LRP1B: variants seen among roughly 807,000 people sequenced by gnomAD.
The protein encoded by LRP1B is low-density lipoprotein receptor-related protein 1B.
In LRP1B, 217 loss-of-function variants were observed where a neutral mutation model predicts 556.6. The ratio of observed to expected loss-of-function variants is 0.39; its 90% CI spans 0.35 to 0.44. The LOEUF is 0.44. Among genes scored for constraint, LRP1B ranks in the 20% least tolerant of loss-of-function variants. The pLI is 1.00. For synonymous variants in LRP1B, 2,047 were observed against 1,865.8 expected, an observed-to-expected ratio of 1.10 and a Z score of -2.50; for missense variants, 5,053 against 5,620.8, an observed-to-expected ratio of 0.90 and a Z score of 3.23.
intron 1 of LRP1B, among the ~76,000 whole-genome samples, chr2:141,933,493 A>G (rs1209067998): frequency 6.6e-6 from 1 of 152,126 alleles, no homozygotes; most frequent in African/African-American, 2.4e-5. Context: ...CTACATGAGG[A>G]AACCACTTGA....
At chr2:140,751,838 T>C (rs2104896287) in intron 35 of LRP1B, among the ~76,000 whole-genome samples, 1 of 152,316 alleles carries the variant, frequency 6.6e-6, no homozygotes, top group African/African-American at 2.4e-5. Flanking sequence ...TTCTGAAATA[T>C]TTTTAAATTA....
intron 84 of LRP1B, among the ~76,000 whole-genome samples, chr2:140,282,491 C>T (rs1032676344): frequency 6.6e-5 from 10 of 151,750 alleles, no homozygotes; most frequent in Admixed American, 1.3e-4. Flanking sequence ...TTCATAAATA[C>T]GTTCAGGAAA....
intron 3 of LRP1B, among the ~76,000 whole-genome samples, chr2:141,264,803 G>C (rs756054496): frequency 6.6e-6 from 1 of 152,158 alleles, no homozygotes; most frequent in Non-Finnish European, 1.5e-5. Flanking sequence ...TTTGGGTTTT[G>C]TTTTGTTTTT....
At chr2:141,020,216 A>T (rs1698026437) in intron 11 of LRP1B, 114 bp from the exon 12 acceptor site, 1 of 581,584 alleles carries the variant, frequency 1.7e-6, no homozygotes, top group African/African-American at 1.9e-5. Context: ...AAGAACTCTG[A>T]TCCATGAAAT....
chr2:141,903,422 T>C (rs1038992459), intron 1 of LRP1B, among the ~76,000 whole-genome samples: 1 of 151,920 alleles, frequency 6.6e-6, no homozygotes, highest in Non-Finnish European at 1.5e-5. Flanking sequence ...TTCTACTATC[T>C]TAAAAAATCT....
intron 7 of LRP1B, among the ~76,000 whole-genome samples, chr2:141,077,361 A>G (rs1301426125): frequency 6.6e-6 from 1 of 152,214 alleles, no homozygotes; most frequent in Non-Finnish European, 1.5e-5. Context: ...TTTTTCAAAG[A>G]AAACAGATTG....
chr2:141,930,294 T>A (rs1274213441), intron 1 of LRP1B, among the ~76,000 whole-genome samples: 2 of 152,102 alleles, frequency 1.3e-5, no homozygotes, highest in African/African-American at 2.4e-5. Context: ...TTCATCATTA[T>A]AATGACCATA....
At chr2:140,814,647 C>A (rs1691046140) in intron 31 of LRP1B, among the ~76,000 whole-genome samples, 1 of 152,122 alleles carries the variant, frequency 6.6e-6, no homozygotes, top group Admixed American at 6.6e-5. Flanking sequence ...GTGATTTCAT[C>A]CCTCTTCAAG....
chr2:140,734,026 T>C (rs1368877478), intron 35 of LRP1B, among the ~76,000 whole-genome samples: 1 of 152,156 alleles, frequency 6.6e-6, no homozygotes, highest in Non-Finnish European at 1.5e-5. Context: ...ATACAGAAAA[T>C]ATCTCATAGG....
intron 1 of LRP1B, among the ~76,000 whole-genome samples, chr2:141,981,301 A>G (rs1429359207): frequency 6.6e-6 from 1 of 152,074 alleles, no homozygotes; most frequent in Non-Finnish European, 1.5e-5. Context: ...TTCTCTTAGG[A>G]TTAGGCATTG....
intron 3 of LRP1B, among the ~76,000 whole-genome samples, chr2:141,280,623 A>G (rs990939923): frequency 1.3e-5 from 2 of 152,000 alleles, no homozygotes; most frequent in Admixed American, 1.3e-4. Flanking sequence ...TGGCTTGTTT[A>G]AAGTCCCAGT....
intron 2 of LRP1B, among the ~76,000 whole-genome samples, chr2:141,753,608 C>A (rs1428560280): frequency 6.6e-6 from 1 of 151,920 alleles, no homozygotes. Context: ...CTATTTCCCT[C>A]TCTAGCCATT....
At chr2:140,729,804 A>G (rs990366789) in intron 35 of LRP1B, among the ~76,000 whole-genome samples, 2 of 152,194 alleles carry the variant, frequency 1.3e-5, no homozygotes, top group African/African-American at 4.8e-5. Flanking sequence ...CTTCATAGTT[A>G]GCTACTTAGA....
intron 3 of LRP1B, among the ~76,000 whole-genome samples, chr2:141,356,380 G>A (rs1688626719): frequency 1.3e-5 from 2 of 152,064 alleles, no homozygotes; most frequent in South Asian, 2.1e-4. Context: ...TATAGTCTGA[G>A]GGTTGTTCCC....
intron 18 of LRP1B, among the ~76,000 whole-genome samples, chr2:140,968,905 T>G (rs1360422466): frequency 5.9e-5 from 9 of 152,228 alleles, no homozygotes; most frequent in Non-Finnish European, 1.0e-4. Flanking sequence ...CAGTTTGTTA[T>G]AATTTCTGTT....
chr2:140,554,784 T>TA (rs1031151758), intron 43 of LRP1B, among the ~76,000 whole-genome samples: 1 of 151,868 alleles, frequency 6.6e-6, no homozygotes, highest in East Asian at 1.9e-4. Context: ...AATGAGTGAT[T>TA]AAAAAAACAT....
rs758794520 is a variant in LRP1B at position 141,810,384 on chromosome 2, G to A, written c.100C>T (p.Pro34Ser). ...GADRDQQLCDPGEFLCHDHVT... is the reference protein window; with the variant it reads ...GADRDQQLCDSGEFLCHDHVT... ...TGATCGTGGCAAAGAAATTCACCAGGATCACACAACTGCTGATCTGAAAAT... is the reference window on the plus strand; with the variant it reads ...TGATCGTGGCAAAGAAATTCACCAGAATCACACAACTGCTGATCTGAAAAT... The change falls in exon 2 of 91, where the codon CCT becomes TCT. Residue 34 changes from proline (P) to serine (S), a missense_variant. By Grantham distance (74) the Pro-to-Ser change is moderately conservative. This residue lies in a region of LRP1B where 3,619 missense variants were observed against 3,931.9 expected (regional missense o/e 0.92). Coordinates refer to ENST00000389484, the MANE Select transcript of LRP1B (RefSeq NM_018557.3). 7 of 1,612,738 alleles carry A rather than the reference G, an allele frequency of 4.3e-6. No homozygotes were observed. In the South Asian group the frequency reaches 7.7e-5, roughly 18 times the overall value.
At chr2:141,571,403 C>A (rs576694878) in intron 2 of LRP1B, among the ~76,000 whole-genome samples, 3 of 139,986 alleles carry the variant, frequency 2.1e-5, no homozygotes, top group African/African-American at 7.4e-5. Flanking sequence ...AATGCCCCAA[C>A]GAAAACCTCA....
intron 3 of LRP1B, among the ~76,000 whole-genome samples, chr2:141,298,691 A>C (rs1292693785): frequency 1.3e-5 from 2 of 152,092 alleles, no homozygotes; most frequent in South Asian, 4.2e-4. Context: ...GTGGTGGCTC[A>C]CGCCTGTAAT....
Sources: allele counts gnomAD v4.1 joint callset (sites outside exome capture counted in the v4.1 genomes callset), GRCh38; gene constraint gnomAD v4.1.1; regional missense constraint gnomAD v4.1.1; transcripts MANE v1.5; gene names NCBI Gene and HGNC (gene_info 2026-07-23, HGNC 2026-07-21).